Variants in SHB observed in about 807,000 individuals in gnomAD.
The protein encoded by SHB is SH2 domain-containing adapter protein B.
Under a neutral mutation model 52.3 loss-of-function variants are expected in SHB, and 20 were observed. The observed-to-expected ratio is 0.38, with a 90% CI of 0.27 to 0.56. The LOEUF is 0.56. Ranked by LOEUF, SHB falls within the 20% of genes least tolerant of loss-of-function variation. The pLI is 0.71. For synonymous variants in SHB, 397 were observed against 316.5 expected (o/e 1.25, Z -2.70); for missense variants, 825 against 723.3 (o/e 1.14, Z -1.61).
chr9:38,041,508 G>A (rs565538406), intron 1 of SHB, among the ~76,000 whole-genome samples: 1 of 152,262 alleles, frequency 6.6e-6, no homozygotes, highest in Admixed American at 6.5e-5. Context: ...TGGGTGATGG[G>A]AAGGAGAAGG....
intron 1 of SHB, among the ~76,000 whole-genome samples, chr9:38,022,856 C>T (rs932052437): frequency 2.0e-5 from 3 of 152,208 alleles, no homozygotes; most frequent in African/African-American, 7.2e-5. Flanking sequence ...TAAAGGAACA[C>T]GCTGCCTGGG....
intron 2 of SHB, among the ~76,000 whole-genome samples, chr9:37,977,265 G>A (rs1820667179): frequency 6.6e-6 from 1 of 152,182 alleles, no homozygotes; most frequent in Non-Finnish European, 1.5e-5. Flanking sequence ...TGCCTGCTGG[G>A]AAGCTGAGCG....
chr9:37,919,669 C>T lies in SHB; in HGVS notation c.*152G>A. The T allele has an allele frequency of 1.7e-6, 1 of 593,126 alleles. No individual in the cohort carries two copies. Among genetic ancestry groups the T allele is most frequent in the Non-Finnish European group, 3.0e-6 (1 of 337,604 alleles). The allele number at this position is 593,126 out of a possible 1,614,324, so 36.7% of individuals were successfully genotyped here. A position where few individuals can be genotyped will look rare whatever the true frequency, so the allele number is the denominator to read the frequency against. ...GGCCTTCTCCAGCCCCCGTAAGTGG[C>T]AACAGCATTCTAGAGACATGCAGTG... On this transcript the variant is annotated 3_prime_UTR_variant, in exon 6 of 6. Transcript: ENST00000377707.
intron 1 of SHB, among the ~76,000 whole-genome samples, chr9:38,025,174 T>C (rs970747301): frequency 6.6e-6 from 1 of 152,064 alleles, no homozygotes; most frequent in African/African-American, 2.4e-5. Flanking sequence ...CTACCTCCCC[T>C]TACAAGGACC....
intron 2 of SHB, among the ~76,000 whole-genome samples, chr9:37,977,338 C>A (rs573575739): frequency 6.6e-6 from 1 of 152,270 alleles, no homozygotes; most frequent in East Asian, 1.9e-4. Flanking sequence ...CCGGGAAATG[C>A]AATCAGCAAA....
At chr9:37,939,106 A>G (rs187926077) in intron 5 of SHB, among the ~76,000 whole-genome samples, 375 of 152,166 alleles carry the variant, frequency 2.5e-3, no homozygotes, top group Admixed American at 4.1e-3. Flanking sequence ...GATCTATATC[A>G]CACACCCAGG....
chr9:38,055,471 T>C (rs2118176210), intron 1 of SHB, among the ~76,000 whole-genome samples: 3 of 152,262 alleles, frequency 2.0e-5, no homozygotes, highest in Admixed American at 2.0e-4. Context: ...CCTGGTGACC[T>C]GAACTTTTTG....
intron 1 of SHB, among the ~76,000 whole-genome samples, chr9:38,030,679 A>C (rs1821402324): frequency 6.6e-6 from 1 of 152,144 alleles, no homozygotes; most frequent in South Asian, 2.1e-4. Flanking sequence ...AATTCTTAAT[A>C]ATTTTTAAAT....
intron 1 of SHB, among the ~76,000 whole-genome samples, chr9:38,034,352 C>T (rs1821455223): frequency 6.6e-6 from 1 of 152,226 alleles, no homozygotes; most frequent in Non-Finnish European, 1.5e-5. Context: ...GCTGCAAGGA[C>T]AGTGATAATG....
chr9:37,937,212 AAG>A (rs1832381674), intron 5 of SHB, among the ~76,000 whole-genome samples: 1 of 152,210 alleles, frequency 6.6e-6, no homozygotes, highest in South Asian at 2.1e-4. Context: ...AGGGCACGAT[AAG>A]AGCTCAGTGG....
At chr9:37,967,733 G>T (rs1277645741) in intron 3 of SHB, among the ~76,000 whole-genome samples, 1 of 152,218 alleles carries the variant, frequency 6.6e-6, no homozygotes, top group Non-Finnish European at 1.5e-5. Context: ...AGGAACCCTG[G>T]GGGTGGAACC....
chr9:38,043,612 G>A (rs916084760), intron 1 of SHB, among the ~76,000 whole-genome samples: 2 of 152,174 alleles, frequency 1.3e-5, no homozygotes, highest in Admixed American at 6.5e-5. Context: ...CACCCTGGCC[G>A]GGTGCAGTGG....
chr9:38,048,128 G>A (rs563244537), intron 1 of SHB, among the ~76,000 whole-genome samples: 11 of 152,222 alleles, frequency 7.2e-5, no homozygotes, highest in East Asian at 3.9e-4. Flanking sequence ...CCCTCCTCAC[G>A]TTGTGCTTGC....
intron 2 of SHB, among the ~76,000 whole-genome samples, chr9:37,991,688 GC>G (rs1389378977): frequency 6.6e-6 from 1 of 152,134 alleles, no homozygotes; most frequent in Non-Finnish European, 1.5e-5. Context: ...ACTGCAAAGG[GC>G]CCCACTCTCC....
rs181733588 is a variant in SHB at position 38,017,566 on chromosome 9, G to A, written c.718-1435C>T. Among the ~76,000 whole-genome samples the A allele has an allele frequency of 5.8e-4, 89 of 152,352 alleles. 2 individuals carry two copies. The highest frequency in any genetic ancestry group is 2.1e-3 in the African/African-American group (86 of 41,590). On this transcript the variant is annotated intron_variant, in intron 1 of 5. Coordinates refer to ENST00000377707, the MANE Select transcript of SHB (RefSeq NM_003028.3). ...CCCTGGCAAGTGGCTGGAGGCCAAC[G>A]GGAGGTTTAGCACACAGCGGTCACT...
In SHB at chr9:37,919,877, T is replaced by G. The variant is rs749968700; in HGVS notation, c.1474A>C (p.Ile492Leu). ...AGGGACAAGTGCTCAGCCCCTTTGA[T>G]GGGTAGCTTTCTGGTGGTGTAGTAG... ...IHYYTTRKLP[I>L]KGAEHLSLLY... The change falls in exon 6 of 6, where the codon ATC becomes CTC. Residue 492 changes from isoleucine to leucine, a missense_variant. Ile to Leu is a conservative substitution (Grantham distance 5). Coordinates refer to ENST00000377707, the MANE Select transcript of SHB (RefSeq NM_003028.3). 3 of 1,614,134 alleles carry G rather than the reference T, an allele frequency of 1.9e-6. No individual in the cohort carries two copies. Among genetic ancestry groups the G allele is most frequent in the Non-Finnish European group, 2.5e-6 (3 of 1,180,014 alleles).
intron 2 of SHB, among the ~76,000 whole-genome samples, chr9:37,989,327 A>C (rs1330657198): frequency 6.6e-6 from 1 of 152,088 alleles, no homozygotes. Flanking sequence ...CCTGACCCCA[A>C]AGAACGAGGC....
chr9:37,987,032 A>G (rs917285006), intron 2 of SHB, among the ~76,000 whole-genome samples: 1 of 152,220 alleles, frequency 6.6e-6, no homozygotes, highest in African/African-American at 2.4e-5. Flanking sequence ...ACGCCAGACC[A>G]GTCACGGCTA....
rs1433956031 is a variant in SHB at position 37,916,018 on chromosome 9, C to T, written c.*3803G>A. Among the ~76,000 whole-genome samples, 2 of 152,226 alleles carry T rather than the reference C, an allele frequency of 1.3e-5. No individual in the cohort carries two copies. Among genetic ancestry groups the T allele is most frequent in the Non-Finnish European group, 2.9e-5 (2 of 68,044 alleles). Reference sequence around the variant, plus strand: ...GCAGTAGGTGGCTGGTTTAAGGCTCCTGGCAGGGATGCAAACAGCCCCAAG... The same window carrying T: ...GCAGTAGGTGGCTGGTTTAAGGCTCTTGGCAGGGATGCAAACAGCCCCAAG... On this transcript the variant is annotated 3_prime_UTR_variant, in exon 6 of 6. Transcript: ENST00000377707.
Sources: allele counts gnomAD v4.1 joint callset (sites outside exome capture counted in the v4.1 genomes callset), GRCh38; gene constraint gnomAD v4.1.1; transcripts MANE v1.5; gene names NCBI Gene and HGNC (gene_info 2026-07-23, HGNC 2026-07-21).